Variants in CFAP47 observed in about 807,000 individuals in gnomAD.
CFAP47 encodes the protein cilia- and flagella-associated protein 47.
In CFAP47, 29 loss-of-function variants were observed where a neutral mutation model predicts 148.1. The ratio of observed to expected loss-of-function variants is 0.20; its 90% CI spans 0.15 to 0.27. The LOEUF (loss-of-function observed/expected upper bound fraction) is 0.27. Ranked by LOEUF, CFAP47 falls within the 10% of genes least tolerant of loss-of-function variation. CFAP47 has a pLI of 1.00. For synonymous variants in CFAP47, 664 were observed against 577.3 expected, an observed-to-expected ratio of 1.15 and a Z score of -2.15; for missense variants, 1,872 against 1,697.5, an observed-to-expected ratio of 1.10 and a Z score of -1.81.
At chrX:36,046,278 A>G (rs1937464899) in intron 25 of CFAP47, among the ~76,000 whole-genome samples, 1 of 110,660 alleles carries the variant, frequency 9.0e-6, no homozygotes, top group Non-Finnish European at 1.9e-5. Flanking sequence ...AATACTATTA[A>G]TACATATTTT....
intron 38 of CFAP47, among the ~76,000 whole-genome samples, chrX:36,160,072 G>T (rs1274027704): frequency 9.0e-6 from 1 of 111,731 alleles, no homozygotes; most frequent in African/African-American, 3.3e-5. Context: ...TAGATTGCCA[G>T]ATTTCCAAAT....
intron 15 of CFAP47, among the ~76,000 whole-genome samples, chrX:35,982,069 T>G (rs1275563699): frequency 8.9e-6 from 1 of 112,049 alleles, no homozygotes; most frequent in Non-Finnish European, 1.9e-5. Context: ...ATTTCTTTTT[T>G]AAATTATTGG....
At chrX:36,358,182 C>T (rs1005973599) in intron 60 of CFAP47, among the ~76,000 whole-genome samples, 3 of 111,843 alleles carry the variant, frequency 2.7e-5, no homozygotes, top group Non-Finnish European at 3.8e-5. Flanking sequence ...ATAGGATTAA[C>T]CTTGAAAAGA....
chrX:36,353,077 C>A (rs936273551), intron 59 of CFAP47, among the ~76,000 whole-genome samples: 1 of 109,951 alleles, frequency 9.1e-6, no homozygotes, highest in Admixed American at 9.8e-5. Flanking sequence ...ATAAGTGTTA[C>A]AGAACTTATT....
Position 36,099,848 on chromosome X carries a change from C to A in CFAP47, c.5096C>A (p.Ala1699Glu). The change falls in exon 32 of 64, where the codon GCA (alanine) becomes GAA (glutamate). Residue 1699 changes from alanine to glutamate, a missense_variant. Physicochemically the swap from Ala to Glu is moderately radical, Grantham distance 107 (BLOSUM62 -1). Transcript: ENST00000378653. ...MSKFEAWSKR[A>E]WTDVFLQIYK... ...AAATTTGAAGCCTGGAGTAAACGGG[C>A]ATGGACAGATGTATTTCTACAGATA... 1 of 986,003 alleles carries A rather than the reference C, an allele frequency of 1.0e-6. No individual in the cohort carries two copies. Among genetic ancestry groups the A allele is most frequent in the Non-Finnish European group, 1.4e-6 (1 of 693,555 alleles). 81.3% of individuals were successfully genotyped at this position (986,003 alleles called of 1,213,427 possible).
intron 25 of CFAP47, among the ~76,000 whole-genome samples, chrX:36,040,880 A>G (rs1937395610): frequency 8.9e-6 from 1 of 112,057 alleles, no homozygotes; most frequent in Non-Finnish European, 1.9e-5. Context: ...CTTCCTTTAG[A>G]AAAAGAATTA....
At chrX:36,099,145 T>C (rs1320170003) in intron 31 of CFAP47, among the ~76,000 whole-genome samples, 2 of 112,186 alleles carry the variant, frequency 1.8e-5, no homozygotes, top group Admixed American at 1.9e-4. Flanking sequence ...GGTGGGGTTA[T>C]GTAAATTTTA....
intron 50 of CFAP47, among the ~76,000 whole-genome samples, chrX:36,283,409 T>C (rs1556003972): frequency 8.9e-6 from 1 of 111,969 alleles, no homozygotes. Flanking sequence ...CCACGTGTGA[T>C]AGTCACAGTA....
In CFAP47 at chrX:36,137,944, C is replaced by G. The variant is rs765120832; in HGVS notation, c.5321-14C>G. The G allele has an allele frequency of 3.3e-6, 2 of 601,401 alleles. No individual in the cohort carries two copies. The highest frequency in any genetic ancestry group is 5.6e-5 in the Admixed American group (2 of 35,651). 49.6% of individuals were successfully genotyped at this position (601,401 alleles called of 1,213,427 possible). A position where few individuals can be genotyped will look rare whatever the true frequency, so the allele number is the denominator to read the frequency against. On this transcript the variant is annotated splice_polypyrimidine_tract_variant and intron_variant, in intron 33 of 63. Transcript: ENST00000378653. ...AACTATTGTTGTATTTACTCTCCCT[C>G]TTTTTTGAAACAGATGTTATCCCTT...
intron 22 of CFAP47, among the ~76,000 whole-genome samples, chrX:36,018,861 C>T (rs1260170327): frequency 9.1e-6 from 1 of 109,438 alleles, no homozygotes; most frequent in East Asian, 2.9e-4. Flanking sequence ...ATACTGGCCT[C>T]ATAGAATGAA....
chrX:36,196,100 A>G (rs1555987201), intron 42 of CFAP47, among the ~76,000 whole-genome samples: 1 of 111,732 alleles, frequency 8.9e-6, no homozygotes, highest in Non-Finnish European at 1.9e-5. Context: ...CAGGTATACA[A>G]ATCTTTTCAT....
At chrX:36,370,349 T>A (rs1246483398) in intron 62 of CFAP47, among the ~76,000 whole-genome samples, 3 of 104,195 alleles carry the variant, frequency 2.9e-5, no homozygotes, top group African/African-American at 1.1e-4. Context: ...GAACATGAGA[T>A]GTTTGGTTTT....
At chrX:36,315,895 C>T in intron 56 of CFAP47, among the ~76,000 whole-genome samples, 1 of 111,299 alleles carries the variant, frequency 9.0e-6, no homozygotes, top group Non-Finnish European at 1.9e-5. Context: ...ACTGGCATTT[C>T]CTGAGGTCAC....
At chrX:36,332,084 T>G (rs2146972706) in intron 57 of CFAP47, among the ~76,000 whole-genome samples, 1 of 111,940 alleles carries the variant, frequency 8.9e-6, no homozygotes, top group Admixed American at 9.5e-5. Context: ...ATTGGAAAAA[T>G]ATATCAAATT....
Position 36,238,007 on chromosome X carries a change from C to T in CFAP47, c.7332+1148C>T, listed in dbSNP as rs188789510. On this transcript the variant is annotated intron_variant, in intron 48 of 63. Transcript: ENST00000378653. ...CCATCTCTTACCTTCAAAATCAAAACCTAGTCCTTTGCCCATTTTTTTATA... is the reference window on the plus strand; with the variant it reads ...CCATCTCTTACCTTCAAAATCAAAATCTAGTCCTTTGCCCATTTTTTTATA... Among the ~76,000 whole-genome samples, 13 of 111,482 alleles carry T rather than the reference C, an allele frequency of 1.2e-4. No homozygotes were observed. The Admixed American group carries it at 1.2e-3, about 11-fold the overall frequency.
At chrX:36,252,751 A>C (rs1297751925) in intron 49 of CFAP47, among the ~76,000 whole-genome samples, 1 of 111,862 alleles carries the variant, frequency 8.9e-6, no homozygotes, top group Non-Finnish European at 1.9e-5. Flanking sequence ...TATTTTCCTT[A>C]ATTTTAGAGT....
At chrX:36,291,534 T>G (rs1384656355) in intron 51 of CFAP47, among the ~76,000 whole-genome samples, 1 of 110,962 alleles carries the variant, frequency 9.0e-6, no homozygotes, top group Non-Finnish European at 1.9e-5. Flanking sequence ...TTATGAACTA[T>G]TCATGCCTCT....
intron 46 of CFAP47, among the ~76,000 whole-genome samples, chrX:36,233,099 G>A (rs1940392586): frequency 8.9e-6 from 1 of 111,852 alleles, no homozygotes; most frequent in African/African-American, 3.3e-5. Context: ...CTGTTGATTT[G>A]GGGTGGAGAG....
At chrX:36,026,834 AT>A (rs1937222406) in intron 22 of CFAP47, among the ~76,000 whole-genome samples, 1 of 110,321 alleles carries the variant, frequency 9.1e-6, no homozygotes, top group Non-Finnish European at 1.9e-5. Context: ...GTCTGAAAGT[AT>A]CATTTTTCCT....
Sources: allele counts gnomAD v4.1 joint callset (sites outside exome capture counted in the v4.1 genomes callset), GRCh38; gene constraint gnomAD v4.1.1; transcripts MANE v1.5; gene names NCBI Gene and HGNC (gene_info 2026-07-23, HGNC 2026-07-21).